POFUT3: variants seen among roughly 807,000 people sequenced by gnomAD.
The protein encoded by POFUT3 is GDP-fucose protein O-fucosyltransferase 3.
At chr8:33,351,038 C>T in the POFUT3 span, among the ~76,000 whole-genome samples, 9 of 152,088 alleles carry the variant, frequency 5.9e-5, no homozygotes, top group Admixed American at 1.3e-4. Flanking sequence ...TGCAGTGGCA[C>T]GATCTCGGCT....
chr8:33,421,441 C>T, the POFUT3 span, among the ~76,000 whole-genome samples: 11,956 of 152,140 alleles, frequency 0.079, 741 homozygotes, highest in African/African-American at 0.16. Flanking sequence ...ATATGACCTA[C>T]GACCCAGAAT....
At chr8:33,379,979 T>TCTATATATATATA in the POFUT3 span, among the ~76,000 whole-genome samples, 50 of 89,722 alleles carry the variant, frequency 5.6e-4, 11 homozygotes, top group African/African-American at 2.6e-3. Flanking sequence ...ATATATACAC[T>TCTATATATATATA]CTATATATAT....
chr8:33,431,321 C>T, the POFUT3 span, among the ~76,000 whole-genome samples: 5 of 151,388 alleles, frequency 3.3e-5, no homozygotes, highest in Middle Eastern at 3.4e-3. Flanking sequence ...CCAAGGCAGG[C>T]GGATCACTTG....
chr8:33,363,098 A>T, the POFUT3 span, among the ~76,000 whole-genome samples: 1 of 152,168 alleles, frequency 6.6e-6, no homozygotes, highest in Admixed American at 6.5e-5. Flanking sequence ...TCAAATTAGA[A>T]CTCAGGATTA....
At chr8:33,309,899 C>A in the POFUT3 span, among the ~76,000 whole-genome samples, 1 of 152,146 alleles carries the variant, frequency 6.6e-6, no homozygotes, top group African/African-American at 2.4e-5. Context: ...TGGTTACACA[C>A]AAACAATTCC....
the POFUT3 span, among the ~76,000 whole-genome samples, chr8:33,353,673 T>C: frequency 1.3e-5 from 2 of 152,168 alleles, no homozygotes; most frequent in Non-Finnish European, 2.9e-5. Context: ...TTTGGGGTGC[T>C]TGGCGGTGAG....
the POFUT3 span, among the ~76,000 whole-genome samples, chr8:33,318,006 T>C: frequency 2.0e-5 from 3 of 152,126 alleles, no homozygotes; most frequent in Admixed American, 6.6e-5. Flanking sequence ...GTCTGGTGAA[T>C]AAAATGCCAA....
chr8:33,409,912 A>T, the POFUT3 span, among the ~76,000 whole-genome samples: 1 of 146,070 alleles, frequency 6.8e-6, no homozygotes, highest in Non-Finnish European at 1.5e-5. Context: ...CTCAAAAAAT[A>T]AAAAAAAAAC....
At chr8:33,331,242 G>A in the POFUT3 span, among the ~76,000 whole-genome samples, 4 of 151,696 alleles carry the variant, frequency 2.6e-5, no homozygotes, top group African/African-American at 9.7e-5. Flanking sequence ...GCTGAGACAG[G>A]AGAATCACTT....
chr8:33,391,035 A>T, the POFUT3 span, among the ~76,000 whole-genome samples: 1 of 152,238 alleles, frequency 6.6e-6, no homozygotes, highest in Non-Finnish European at 1.5e-5. Flanking sequence ...TTTTTTTAAA[A>T]TAAATATAAG....
chr8:33,399,441 T>C, the POFUT3 span, among the ~76,000 whole-genome samples: 2 of 152,220 alleles, frequency 1.3e-5, no homozygotes, highest in South Asian at 2.1e-4. Context: ...AACATGATAA[T>C]ATAACTGTAA....
At chr8:33,422,191 T>C in the POFUT3 span, among the ~76,000 whole-genome samples, 1 of 151,612 alleles carries the variant, frequency 6.6e-6, no homozygotes, top group Non-Finnish European at 1.5e-5. Flanking sequence ...CAAGATGTTC[T>C]TCCTTTGCTA....
chr8:33,405,765 C>T, the POFUT3 span, among the ~76,000 whole-genome samples: 12 of 152,154 alleles, frequency 7.9e-5, no homozygotes, highest in Admixed American at 7.9e-4. Flanking sequence ...CCAAATAAAT[C>T]AACAAGCCAA....
the POFUT3 span, among the ~76,000 whole-genome samples, chr8:33,358,258 TAA>T: frequency 1.3e-5 from 2 of 152,034 alleles, no homozygotes; most frequent in African/African-American, 2.4e-5. Flanking sequence ...GTCTCAAAAA[TAA>T]ATAATAAATA....
chr8:33,470,164 C>T, the POFUT3 span, among the ~76,000 whole-genome samples: 4 of 146,810 alleles, frequency 2.7e-5, no homozygotes, highest in African/African-American at 1.0e-4. Flanking sequence ...CTTTGAGACG[C>T]CGAGGTGGGT....
the POFUT3 span, among the ~76,000 whole-genome samples, chr8:33,399,478 G>A: frequency 2.0e-5 from 3 of 152,284 alleles, no homozygotes; most frequent in African/African-American, 7.2e-5. Context: ...GGAAGGATGA[G>A]TGTGTATGTG....
At chr8:33,354,035 C>G in the POFUT3 span, among the ~76,000 whole-genome samples, 4 of 152,062 alleles carry the variant, frequency 2.6e-5, no homozygotes, top group African/African-American at 9.7e-5. Flanking sequence ...CTTCATTATC[C>G]ATACAGCTCT....
At chr8:33,367,055 C>T in the POFUT3 span, among the ~76,000 whole-genome samples, 1 of 151,804 alleles carries the variant, frequency 6.6e-6, no homozygotes, top group African/African-American at 2.4e-5. Context: ...ACCAGCCTGG[C>T]CAACAAGGAG....
chr8:33,391,350 T>C, the POFUT3 span, among the ~76,000 whole-genome samples: 1 of 152,256 alleles, frequency 6.6e-6, no homozygotes, highest in African/African-American at 2.4e-5. Context: ...GCTTTTATTC[T>C]CAATCTTTGG....
Sources: allele counts gnomAD v4.1 joint callset (sites outside exome capture counted in the v4.1 genomes callset), GRCh38; gene constraint gnomAD v4.1.1; transcripts MANE v1.5; gene names NCBI Gene and HGNC (gene_info 2026-07-23, HGNC 2026-07-21).